Variants in PRKAR2A observed in about 807,000 individuals in gnomAD.
The protein encoded by PRKAR2A is protein kinase cAMP-dependent type II regulatory subunit alpha.
A neutral mutation model predicts 51.9 loss-of-function variants in PRKAR2A; 29 were observed. The observed-to-expected ratio is 0.56, with a 90% CI of 0.42 to 0.76. The LOEUF (loss-of-function observed/expected upper bound fraction) is 0.76. PRKAR2A is among the 30% of genes least tolerant of loss of function. PRKAR2A has a pLI of 0.00. For synonymous variants in PRKAR2A, 178 were observed against 186.2 expected (o/e 0.96, Z 0.36); for missense variants, 445 against 512.1 (o/e 0.87, Z 1.26).
chr3:48,792,017 TA>T (rs780901691), intron 3 of PRKAR2A, among the ~76,000 whole-genome samples: 140 of 150,194 alleles, frequency 9.3e-4, no homozygotes, highest in Non-Finnish European at 1.4e-3. Flanking sequence ...ATAACTAGAA[TA>T]AAAAAATTAC....
At chr3:48,793,057 G>A (rs1377309181) in intron 3 of PRKAR2A, among the ~76,000 whole-genome samples, 2 of 150,964 alleles carry the variant, frequency 1.3e-5, no homozygotes, top group Non-Finnish European at 3.0e-5. Flanking sequence ...TTAACATCTG[G>A]GGTATATCCT....
At position 48,750,000 on chromosome 3, in the gene PRKAR2A, T is replaced by A. The variant is rs1575828724; in HGVS notation, c.*1585A>T. The A allele has an allele frequency of 6.6e-6, 1 of 151,720 alleles. No individual in the cohort carries two copies. Among genetic ancestry groups the A allele is most frequent in the Non-Finnish European group, 1.5e-5 (1 of 67,984 alleles). 9.4% of individuals were successfully genotyped at this position (151,720 alleles called of 1,614,324 possible). A position where few individuals can be genotyped will look rare whatever the true frequency, so the allele number is the denominator to read the frequency against. On this transcript the variant is annotated 3_prime_UTR_variant, in exon 11 of 11. Transcript: ENST00000265563. ...GCCTTGACCTCCTGGGCTCAAGTGATCCTTCCACCTCAGCCTCCTAAGTAT... is the reference window on the plus strand; with the variant it reads ...GCCTTGACCTCCTGGGCTCAAGTGAACCTTCCACCTCAGCCTCCTAAGTAT...
intron 2 of PRKAR2A, among the ~76,000 whole-genome samples, chr3:48,800,988 T>G (rs986452432): frequency 1.6e-4 from 24 of 151,824 alleles, no homozygotes; most frequent in Non-Finnish European, 3.1e-4. Flanking sequence ...CGGCTTTTCT[T>G]TTTGTTGGCT....
chr3:48,818,480 G>A (rs886336604), intron 1 of PRKAR2A, among the ~76,000 whole-genome samples: 2 of 152,150 alleles, frequency 1.3e-5, no homozygotes, highest in Admixed American at 1.3e-4. Context: ...ACCTGGCCAG[G>A]TGCAGTGGCT....
At chr3:48,837,753 T>C (rs2083306962) in intron 1 of PRKAR2A, among the ~76,000 whole-genome samples, 1 of 145,142 alleles carries the variant, frequency 6.9e-6, no homozygotes. Flanking sequence ...GACAACAGAA[T>C]AGTATTTAGC....
intron 1 of PRKAR2A, among the ~76,000 whole-genome samples, chr3:48,827,241 C>T (rs2083083064): frequency 6.6e-6 from 1 of 151,574 alleles, no homozygotes; most frequent in African/African-American, 2.4e-5. Flanking sequence ...AAATCACCTG[C>T]CCTGTTAAAA....
In PRKAR2A at chr3:48,794,018, T is replaced by C. The variant is rs771656178; in HGVS notation, c.330A>G (p.Glu110=). 1 of 1,606,040 alleles carries C rather than the reference T, an allele frequency of 6.2e-7. No individual in the cohort carries two copies. Among genetic ancestry groups the C allele is most frequent in the Admixed American group, 1.7e-5 (1 of 59,952 alleles). Reference sequence around the variant, plus strand: ...TTACCCTTGGATCTGTATCTTCCTCTTCCTCATCAGGGTTATAGGTCTCAG... The same window carrying C: ...TTACCCTTGGATCTGTATCTTCCTCCTCCTCATCAGGGTTATAGGTCTCAG... ...VCAETYNPDE[E]EEDTDPRVIH... Residue 110 remains glutamate, a synonymous_variant, in exon 3 of 11, where the codon GAA becomes GAG. Transcript: ENST00000265563.
At chr3:48,837,151 T>G (rs1291162765) in intron 1 of PRKAR2A, among the ~76,000 whole-genome samples, 1 of 151,262 alleles carries the variant, frequency 6.6e-6, no homozygotes, top group African/African-American at 2.4e-5. Context: ...AAATAAAAAT[T>G]AGCCAGGTAT....
At chr3:48,769,676 C>T (rs1459490578) in intron 6 of PRKAR2A, among the ~76,000 whole-genome samples, 1 of 152,046 alleles carries the variant, frequency 6.6e-6, no homozygotes, top group Admixed American at 6.6e-5. Flanking sequence ...AGGGTTTCTC[C>T]ATGTTTGTCA....
intron 2 of PRKAR2A, among the ~76,000 whole-genome samples, chr3:48,794,824 A>G (rs750236157): frequency 1.3e-5 from 2 of 152,216 alleles, no homozygotes; most frequent in Non-Finnish European, 2.9e-5. Flanking sequence ...CTAAGAATGG[A>G]GGGAAAATAA....
chr3:48,781,927 T>A (rs986350372), intron 5 of PRKAR2A, among the ~76,000 whole-genome samples: 3 of 152,206 alleles, frequency 2.0e-5, no homozygotes, highest in African/African-American at 7.2e-5. Flanking sequence ...ATTACAGGCA[T>A]GAGCCACCGC....
At chr3:48,810,786 G>A (rs1185360860) in intron 1 of PRKAR2A, among the ~76,000 whole-genome samples, 3 of 152,016 alleles carry the variant, frequency 2.0e-5, no homozygotes, top group East Asian at 1.9e-4. Context: ...TCAAAAGGGA[G>A]AAACAAATTG....
At chr3:48,845,783 T>C (rs1279348376) in intron 1 of PRKAR2A, among the ~76,000 whole-genome samples, 1 of 152,032 alleles carries the variant, frequency 6.6e-6, no homozygotes, top group Non-Finnish European at 1.5e-5. Flanking sequence ...CCCGTCTCTA[T>C]AAAACACTTA....
chr3:48,764,949 A>T, intron 8 of PRKAR2A, 55 bp downstream of exon 8: 2 of 1,483,058 alleles, frequency 1.3e-6, no homozygotes, highest in Non-Finnish European at 1.9e-6. Context: ...TAAATGATGT[A>T]CTAGTTCTTC....
At chr3:48,796,502 C>A (rs570180290) in intron 2 of PRKAR2A, among the ~76,000 whole-genome samples, 4 of 151,988 alleles carry the variant, frequency 2.6e-5, no homozygotes, top group Admixed American at 2.6e-4. Context: ...CGGTTTGCCC[C>A]GCCCGCTCCC....
chr3:48,769,625 C>T (rs972343986), intron 6 of PRKAR2A, among the ~76,000 whole-genome samples: 1 of 151,970 alleles, frequency 6.6e-6, no homozygotes, highest in Non-Finnish European at 1.5e-5. Context: ...TATAGGCATG[C>T]GCCACCATGC....
chr3:48,821,886 G>C (rs2082969198), intron 1 of PRKAR2A, among the ~76,000 whole-genome samples: 1 of 143,230 alleles, frequency 7.0e-6, no homozygotes, highest in Non-Finnish European at 1.5e-5. Flanking sequence ...CTGCACTCCA[G>C]CCTGGGCGAC....
At chr3:48,785,191 A>C (rs1330908604) in intron 4 of PRKAR2A, among the ~76,000 whole-genome samples, 2 of 151,364 alleles carry the variant, frequency 1.3e-5, no homozygotes, top group Admixed American at 1.3e-4. Context: ...CCTGGGTTCA[A>C]GCGATTTCTC....
intron 8 of PRKAR2A, among the ~76,000 whole-genome samples, chr3:48,758,219 C>T (rs1559602197): frequency 2.0e-5 from 3 of 148,380 alleles, no homozygotes; most frequent in Non-Finnish European, 1.5e-5. Context: ...GGTTGCACCA[C>T]TGTACTCCAG....
Sources: gnomAD v4.1 joint callset for allele counts (sites outside exome capture counted in the v4.1 genomes callset) on GRCh38, gnomAD v4.1.1 for gene constraint, MANE v1.5 for transcripts, NCBI Gene and HGNC (gene_info 2026-07-23, HGNC 2026-07-21) for gene names.